The following CPEB1 variants were observed in gnomAD, a reference collection of about 807,000 sequenced individuals.
CPEB1 encodes the protein cytoplasmic polyadenylation element binding protein 1, also known as cytoplasmic polyadenylation element-binding protein 1.
CPEB1 carries 7 observed loss-of-function variants against 65.8 expected under a neutral mutation model. The ratio of observed to expected loss-of-function variants is 0.11; its 90% CI spans 0.06 to 0.20. The LOEUF (loss-of-function observed/expected upper bound fraction) is 0.20. CPEB1 is among the 10% of genes least tolerant of loss of function. The pLI is 1.00. For synonymous variants in CPEB1, 262 were observed against 260.0 expected, an observed-to-expected ratio of 1.01 and a Z score of -0.08; for missense variants, 551 against 712.2, an observed-to-expected ratio of 0.77 and a Z score of 2.58.
chr15:82,582,478 C>G (rs867845550), intron 3 of CPEB1, among the ~76,000 whole-genome samples: 2 of 152,166 alleles, frequency 1.3e-5, no homozygotes, highest in Non-Finnish European at 2.9e-5. Context: ...CTAGAAAGCA[C>G]ACAAGGCTCA....
intron 1 of CPEB1, among the ~76,000 whole-genome samples, chr15:82,637,704 T>C (rs2046777846): frequency 6.6e-6 from 1 of 152,188 alleles, no homozygotes; most frequent in South Asian, 2.1e-4. Flanking sequence ...GACGTCTTCA[T>C]TCCTGCCTGG....
intron 3 of CPEB1, among the ~76,000 whole-genome samples, chr15:82,611,849 A>C (rs192999303): frequency 7.0e-4 from 107 of 152,098 alleles, no homozygotes; most frequent in African/African-American, 2.4e-3. Context: ...TGTATAACAG[A>C]ATCGGGGGAG....
chr15:82,613,468 A>G (rs1178313694), intron 3 of CPEB1, among the ~76,000 whole-genome samples: 4 of 151,662 alleles, frequency 2.6e-5, no homozygotes, highest in Admixed American at 2.6e-4. Context: ...GCTCACTGCA[A>G]TCTCCACCTC....
intron 4 of CPEB1, among the ~76,000 whole-genome samples, chr15:82,562,015 C>T (rs2038303550): frequency 6.6e-6 from 1 of 152,140 alleles, no homozygotes; most frequent in African/African-American, 2.4e-5. Context: ...ACAGTCTTCA[C>T]CAAATCCTAA....
intron 3 of CPEB1, among the ~76,000 whole-genome samples, chr15:82,607,856 G>A (rs1391867233): frequency 1.3e-5 from 2 of 152,056 alleles, no homozygotes; most frequent in Non-Finnish European, 2.9e-5. Flanking sequence ...AGAAATGATA[G>A]GAGAAACAGA....
chr15:82,569,934 A>G (rs1277381870), intron 4 of CPEB1, among the ~76,000 whole-genome samples: 1 of 152,172 alleles, frequency 6.6e-6, no homozygotes, highest in Non-Finnish European at 1.5e-5. Flanking sequence ...CACACAAAAC[A>G]AAGTACCGTG....
chr15:82,640,585 C>T (rs1219669678), intron 1 of CPEB1: 1 of 152,210 alleles, frequency 6.6e-6, no homozygotes, highest in Non-Finnish European at 1.5e-5. Flanking sequence ...TACCTGCCTA[C>T]TTCTGATGTT....
intron 5 of CPEB1, 183 bp from the exon 6 acceptor site, chr15:82,556,305 T>G: frequency 1.6e-6 from 1 of 629,306 alleles, no homozygotes; most frequent in South Asian, 2.6e-5. Context: ...CAAATGCTCC[T>G]TCTCTCCTCA....
intron 3 of CPEB1, among the ~76,000 whole-genome samples, chr15:82,590,242 A>C (rs2042133747): frequency 8.3e-6 from 1 of 120,634 alleles, no homozygotes; most frequent in Non-Finnish European, 1.7e-5. Context: ...AAAAAAAAAC[A>C]GTTGTTAGTC....
intron 3 of CPEB1, among the ~76,000 whole-genome samples, chr15:82,588,843 C>T (rs2042005234): frequency 6.6e-6 from 1 of 152,114 alleles, no homozygotes; most frequent in South Asian, 2.1e-4. Context: ...CAATAGAACC[C>T]ATTGTTTAAA....
intron 3 of CPEB1, among the ~76,000 whole-genome samples, chr15:82,621,515 G>T (rs943110648): frequency 6.6e-6 from 1 of 152,068 alleles, no homozygotes; most frequent in African/African-American, 2.4e-5. Context: ...CAGCTACTCA[G>T]GAGGCTGAGG....
intron 1 of CPEB1, among the ~76,000 whole-genome samples, chr15:82,645,154 A>G (rs894894906): frequency 6.6e-6 from 1 of 152,026 alleles, no homozygotes; most frequent in African/African-American, 2.4e-5. Context: ...GGGGAAACCA[A>G]GTTTTGTTTT....
At chr15:82,612,767 G>A (rs1401080124) in intron 3 of CPEB1, among the ~76,000 whole-genome samples, 1 of 151,992 alleles carries the variant, frequency 6.6e-6, no homozygotes, top group African/African-American at 2.4e-5. Context: ...CTGGGGGGCG[G>A]AGGTTGCAGT....
chr15:82,619,071 A>G (rs1297738719), intron 3 of CPEB1, among the ~76,000 whole-genome samples: 1 of 152,252 alleles, frequency 6.6e-6, no homozygotes, highest in Non-Finnish European at 1.5e-5. Context: ...CCTATTATAA[A>G]GCTACAATAA....
rs1596088240 is a variant in CPEB1, at chr15:82,602,099, A to G, written c.271+25094T>C. Among the ~76,000 whole-genome samples the G allele has an allele frequency of 2.0e-5, 3 of 152,388 alleles. No homozygotes were observed. The South Asian group carries it at 6.2e-4, about 32-fold the overall frequency. On this transcript the variant is annotated intron_variant, in intron 3 of 12. Transcript: ENST00000684509. ...TCTAGAACATTTAACAAAGTAGAGC[A>G]TATGTTAGACTATAAAGCAAGCCTC...
chr15:82,550,815 G>T (rs961849163), intron 9 of CPEB1, among the ~76,000 whole-genome samples: 1 of 152,166 alleles, frequency 6.6e-6, no homozygotes, highest in African/African-American at 2.4e-5. Context: ...GGCTATGTTG[G>T]TGCTGGCGGG....
chr15:82,646,339 G>A (rs1013192776), intron 1 of CPEB1, among the ~76,000 whole-genome samples: 1 of 152,190 alleles, frequency 6.6e-6, no homozygotes, highest in African/African-American at 2.4e-5. Context: ...ACACAGCCCA[G>A]TAGTTGACTC....
Position 82,591,808 on chromosome 15 carries a change from T to C in CPEB1, c.272-20276A>G, listed in dbSNP as rs144081285. On this transcript the variant is annotated intron_variant, in intron 3 of 12. Coordinates refer to ENST00000684509, the MANE Select transcript of CPEB1 (RefSeq NM_001365242.1). ...AAAAATTTTTTCACTTAGCATGTTT[T>C]TAAGATTCATCATTGTTTTAGTTTG... 2.1e-3 allele frequency among the ~76,000 whole-genome samples: 316 copies of C among 152,242 alleles called. 1 individual carries two copies. Among genetic ancestry groups the C allele is most frequent in the African/African-American group, 7.5e-3 (310 of 41,558 alleles).
At chr15:82,635,388 GCTCA>G (rs2046577840) in intron 1 of CPEB1, among the ~76,000 whole-genome samples, 1 of 152,138 alleles carries the variant, frequency 6.6e-6, no homozygotes, top group African/African-American at 2.4e-5. Context: ...TTAGTCACCA[GCTCA>G]CTCAAAGCCA....
Sources: gnomAD v4.1 joint callset for allele counts (sites outside exome capture counted in the v4.1 genomes callset) on GRCh38, gnomAD v4.1.1 for gene constraint, MANE v1.5 for transcripts, NCBI Gene and HGNC (gene_info 2026-07-23, HGNC 2026-07-21) for gene names.